USP32: variants seen among roughly 807,000 people sequenced by gnomAD.
The protein encoded by USP32 is ubiquitin carboxyl-terminal hydrolase 32.
A neutral mutation model predicts 204.8 loss-of-function variants in USP32; 59 were observed. That is an observed-to-expected ratio of 0.29 (90% CI 0.23 to 0.36). The LOEUF (loss-of-function observed/expected upper bound fraction) is 0.36. USP32 is among the 10% of genes least tolerant of loss of function. The pLI is 1.00. For synonymous variants in USP32, 517 were observed against 678.4 expected (o/e 0.76, Z 3.70); for missense variants, 1,160 against 1,946.4 (o/e 0.60, Z 7.60).
At chr17:60,243,929 A>C (rs1378313251) in intron 11 of USP32, among the ~76,000 whole-genome samples, 1 of 151,814 alleles carries the variant, frequency 6.6e-6, no homozygotes, top group Non-Finnish European at 1.5e-5. Flanking sequence ...TTAACAGTAA[A>C]GTGATTTTAG....
intron 16 of USP32, among the ~76,000 whole-genome samples, chr17:60,218,200 T>C (rs925493457): frequency 3.3e-5 from 5 of 151,986 alleles, no homozygotes; most frequent in Admixed American, 6.6e-5. Context: ...CTGGCTAACA[T>C]GGTGAAACCC....
intron 13 of USP32, 139 bp downstream of exon 13, chr17:60,225,900 G>A: frequency 9.3e-6 from 8 of 857,584 alleles, no homozygotes; most frequent in Non-Finnish European, 1.2e-5. Context: ...GTTGCAGTGA[G>A]CAGAGATCGC....
intron 11 of USP32, among the ~76,000 whole-genome samples, chr17:60,241,100 C>T (rs1044815844): frequency 6.6e-6 from 1 of 152,132 alleles, no homozygotes; most frequent in African/African-American, 2.4e-5. Flanking sequence ...CGGGTTCAAG[C>T]GATTCTCCTG....
chr17:60,178,311 C>T lies in USP32; in HGVS notation c.*944G>A, dbSNP rs564019944. ...CAAGACAAACACAGAAAAGAACAAC[C>T]ACTAATTGTGAAACGTGATCTAGCT... On this transcript the variant is annotated 3_prime_UTR_variant, in exon 34 of 34. Coordinates refer to ENST00000300896, the MANE Select transcript of USP32 (RefSeq NM_032582.4). 2.0e-5 allele frequency among the ~76,000 whole-genome samples: 3 copies of T among 152,270 alleles called. No homozygotes were observed. In the South Asian group the frequency reaches 6.2e-4, roughly 32 times the overall value.
In USP32 at chr17:60,212,114, G is replaced by C. The variant is rs535253977; in HGVS notation, c.2105-16C>G. On this transcript the variant is annotated splice_polypyrimidine_tract_variant and intron_variant, in intron 18 of 33. Coordinates refer to ENST00000300896, the MANE Select transcript of USP32 (RefSeq NM_032582.4). ...TTGTTGCGAACTGGAAGGACAGATAGGAATGTGTTAATTTCTTATCTATCT... is the reference window on the plus strand; with the variant it reads ...TTGTTGCGAACTGGAAGGACAGATACGAATGTGTTAATTTCTTATCTATCT... 14 of 1,583,028 alleles carry C rather than the reference G, an allele frequency of 8.8e-6. No homozygotes were observed. The highest frequency in any genetic ancestry group is 2.7e-5 in the African/African-American group (2 of 73,256).
chr17:60,307,914 G>A (rs1416392084), intron 2 of USP32, among the ~76,000 whole-genome samples: 9 of 152,236 alleles, frequency 5.9e-5, no homozygotes, highest in Admixed American at 3.3e-4. Flanking sequence ...GACGTCCAGA[G>A]GAACACATCA....
At chr17:60,343,987 C>T (rs73320739) in intron 2 of USP32, among the ~76,000 whole-genome samples, 6,929 of 151,730 alleles carry the variant, frequency 0.046, 568 homozygotes, top group African/African-American at 0.16. Flanking sequence ...TGAGCCAAGA[C>T]CATGCCATTG....
chr17:60,273,783 AC>A (rs2086776212), intron 5 of USP32, among the ~76,000 whole-genome samples: 1 of 151,534 alleles, frequency 6.6e-6, no homozygotes, highest in Non-Finnish European at 1.5e-5. Context: ...ATATGGTGAA[AC>A]CCCCATCGCT....
chr17:60,387,179 C>T (rs2089746301), intron 1 of USP32, among the ~76,000 whole-genome samples: 1 of 152,164 alleles, frequency 6.6e-6, no homozygotes, highest in Non-Finnish European at 1.5e-5. Context: ...ACTAACATCA[C>T]ATCATAGGTA....
intron 29 of USP32, among the ~76,000 whole-genome samples, chr17:60,190,309 A>T (rs1016984951): frequency 1.3e-5 from 2 of 152,218 alleles, no homozygotes; most frequent in Admixed American, 1.3e-4. Flanking sequence ...TTTTCTTTAC[A>T]AGTTACCAGC....
intron 2 of USP32, among the ~76,000 whole-genome samples, chr17:60,320,468 C>T (rs1379494492): frequency 1.3e-5 from 2 of 152,142 alleles, no homozygotes; most frequent in Non-Finnish European, 2.9e-5. Flanking sequence ...GGCACACTCA[C>T]GCAGACATCC....
At chr17:60,415,370 TC>T (rs1373759736) in intron 1 of USP32, among the ~76,000 whole-genome samples, 1 of 152,252 alleles carries the variant, frequency 6.6e-6, no homozygotes, top group East Asian at 1.9e-4. Context: ...CTTTTTGCTC[TC>T]AAGAGTAGCC....
At chr17:60,292,718 T>C (rs758420996) in intron 4 of USP32, among the ~76,000 whole-genome samples, 2 of 151,700 alleles carry the variant, frequency 1.3e-5, no homozygotes, top group Non-Finnish European at 2.9e-5. Context: ...ATTATTCAGA[T>C]ACCTCAATTG....
chr17:60,305,298 T>A (rs79195447), intron 2 of USP32: 16 of 152,286 alleles, frequency 1.1e-4, no homozygotes, highest in Admixed American at 4.6e-4. Flanking sequence ...AGAACAAGCA[T>A]GTCACATGGT....
intron 9 of USP32, among the ~76,000 whole-genome samples, chr17:60,257,328 A>G (rs2086335488): frequency 6.6e-6 from 1 of 152,164 alleles, no homozygotes; most frequent in Non-Finnish European, 1.5e-5. Flanking sequence ...CGTGGATCAC[A>G]TGTGCCAATT....
intron 1 of USP32, among the ~76,000 whole-genome samples, chr17:60,385,445 C>G (rs1393266378): frequency 6.6e-6 from 1 of 152,180 alleles, no homozygotes. Flanking sequence ...ACTTTGGAGT[C>G]TGAGGCAAGA....
At chr17:60,225,116 A>G (rs912467259) in intron 13 of USP32, among the ~76,000 whole-genome samples, 56 of 152,342 alleles carry the variant, frequency 3.7e-4, no homozygotes, top group African/African-American at 1.3e-3. Context: ...TACTGACTAA[A>G]TAATTTAATA....
chr17:60,205,942 G>A (rs1416258688), intron 25 of USP32, among the ~76,000 whole-genome samples: 2 of 152,210 alleles, frequency 1.3e-5, no homozygotes, highest in African/African-American at 4.8e-5. Context: ...CACACAAACA[G>A]TTCTACCACT....
intron 1 of USP32, 94 bp from the exon 2 acceptor site, chr17:60,345,702 C>T (rs537146124): frequency 1.3e-6 from 2 of 1,546,716 alleles, no homozygotes; most frequent in Non-Finnish European, 1.8e-6. Context: ...AAAATTGAGG[C>T]TAGGCACAGT....
Sources: gnomAD v4.1 joint callset for allele counts (sites outside exome capture counted in the v4.1 genomes callset) on GRCh38, gnomAD v4.1.1 for gene constraint, MANE v1.5 for transcripts, NCBI Gene and HGNC (gene_info 2026-07-23, HGNC 2026-07-21) for gene names.